The following KDM4B variants were observed in gnomAD, a reference collection of about 807,000 sequenced individuals.
KDM4B encodes lysine demethylase 4B, also known as lysine-specific demethylase 4B.
KDM4B carries 32 observed loss-of-function variants against 125.2 expected under a neutral mutation model. The ratio of observed to expected loss-of-function variants is 0.26; its 90% CI spans 0.19 to 0.34. KDM4B has a LOEUF of 0.34. Among genes scored for constraint, KDM4B ranks in the 10% least tolerant of loss-of-function variants. The pLI is 1.00. For missense variants in KDM4B, 1,190 were observed against 1,577.7 expected (o/e 0.75, Z 4.16); for synonymous variants, 721 against 677.9 (o/e 1.06, Z -0.99).
Position 5,141,668 on chromosome 19 carries a change from G to A in KDM4B, c.2551-2299G>A, listed in dbSNP as rs1311064790. ...TGTCTCCAGGACTTCTCCAGCCACC[G>A]GCTCAGGGCTCCAGGCAGTCCTGGT... is the stretch of plus-strand genomic sequence containing the variant. On this transcript the variant is annotated intron_variant, in intron 18 of 22. Coordinates refer to ENST00000159111, the MANE Select transcript of KDM4B (RefSeq NM_015015.3). The surrounding 1 kb of genome is among the most constrained non-coding windows in gnomAD (Gnocchi z 6.4). 1.3e-5 allele frequency among the ~76,000 whole-genome samples: 2 copies of A among 152,180 alleles called. No individual in the cohort carries two copies. The highest frequency in any genetic ancestry group is 6.5e-5 in the Admixed American group (1 of 15,288).
At chr19:5,070,913 G>C (rs759843992) in intron 6 of KDM4B, 97 bp from the exon 7 acceptor site, 1 of 1,281,284 alleles carries the variant, frequency 7.8e-7, no homozygotes, top group Admixed American at 1.8e-5. Flanking sequence ...TCTGCCCTGG[G>C]CACTGTCTGC....
intron 1 of KDM4B, among the ~76,000 whole-genome samples, chr19:4,972,944 G>GA (rs1480919750): frequency 6.6e-6 from 1 of 152,126 alleles, no homozygotes. Context: ...TCTGGCCTCT[G>GA]AGCTCCGGGT....
At chr19:5,032,824 T>C (rs113013839) in intron 2 of KDM4B, 42 bp from the exon 3 acceptor site, 1 of 1,569,900 alleles carries the variant, frequency 6.4e-7, no homozygotes, top group Non-Finnish European at 8.7e-7. Context: ...GGGCTGGGCA[T>C]GGCGGCACCG....
At chr19:4,987,683 C>T (rs2034886633) in intron 1 of KDM4B, among the ~76,000 whole-genome samples, 2 of 152,128 alleles carry the variant, frequency 1.3e-5, no homozygotes, top group South Asian at 4.1e-4. Context: ...GTCAGGCCTC[C>T]CAAAGTGCTG....
At chr19:5,133,506 C>G (rs919790267) in intron 13 of KDM4B, among the ~76,000 whole-genome samples, 11 of 152,216 alleles carry the variant, frequency 7.2e-5, no homozygotes, top group African/African-American at 2.2e-4. Flanking sequence ...CGGGGCAGGG[C>G]TGGGCACTGA....
intron 3 of KDM4B, among the ~76,000 whole-genome samples, chr19:5,034,424 G>C (rs1306626322): frequency 6.6e-6 from 1 of 152,242 alleles, no homozygotes; most frequent in Non-Finnish European, 1.5e-5. Flanking sequence ...CCGTGTGAAT[G>C]AAAGTGCACG....
At chr19:5,034,526 T>C (rs2036556585) in intron 3 of KDM4B, among the ~76,000 whole-genome samples, 1 of 152,140 alleles carries the variant, frequency 6.6e-6, no homozygotes, top group South Asian at 2.1e-4. Context: ...CCCCAACCAC[T>C]TAAAAATGAA....
At chr19:5,150,196 C>T (rs1408059209) in intron 21 of KDM4B, among the ~76,000 whole-genome samples, 162 bp from the exon 22 acceptor site, 5 of 152,136 alleles carry the variant, frequency 3.3e-5, no homozygotes, top group Non-Finnish European at 5.9e-5. Context: ...TTGCTGCAGG[C>T]GGTGTCAGAG....
At chr19:5,010,103 C>G (rs1164506209) in intron 1 of KDM4B, among the ~76,000 whole-genome samples, 3 of 152,200 alleles carry the variant, frequency 2.0e-5, no homozygotes, top group Non-Finnish European at 4.4e-5. Context: ...GGACCTCGTC[C>G]AGGACCCCAC....
At chr19:5,023,517 G>C (rs577701485) in intron 2 of KDM4B, among the ~76,000 whole-genome samples, 1 of 152,240 alleles carries the variant, frequency 6.6e-6, no homozygotes, top group African/African-American at 2.4e-5. Context: ...CTCTGTCCTC[G>C]GTCCCTGCTG....
chr19:5,068,292 G>T (rs902826854), intron 6 of KDM4B, among the ~76,000 whole-genome samples: 1 of 152,146 alleles, frequency 6.6e-6, no homozygotes, highest in Non-Finnish European at 1.5e-5. Flanking sequence ...GGTCTCTGCC[G>T]TGCATCTGCT....
Position 5,133,967 on chromosome 19 carries a change from C to T in KDM4B, c.1991C>T (p.Ala664Val), listed in dbSNP as rs759969080. Residue 664 changes from alanine (A) to valine (V), a missense_variant, in exon 14 of 23, where the codon GCG becomes GTG. Physicochemically the swap from Ala to Val is moderately conservative, Grantham distance 64 (BLOSUM62 0). Coordinates refer to ENST00000159111, the MANE Select transcript of KDM4B (RefSeq NM_015015.3). ...PLLSLQWKNR[A>V]ASFQAERKFN... ...CTGTCTCTGCAGTGGAAGAACAGGG[C>T]GGCCAGCTTCCAGGCCGAGAGGAAG... 189 of 1,612,646 alleles carry T rather than the reference C, an allele frequency of 1.2e-4. No individual in the cohort carries two copies. The highest frequency in any genetic ancestry group is 1.5e-4 in the Non-Finnish European group (175 of 1,179,930).
chr19:5,023,974 A>G (rs1414672091), intron 2 of KDM4B, among the ~76,000 whole-genome samples: 1 of 151,864 alleles, frequency 6.6e-6, no homozygotes, highest in Admixed American at 6.6e-5. Flanking sequence ...CTCATCCTGA[A>G]CATCTAGCCC....
intron 1 of KDM4B, among the ~76,000 whole-genome samples, chr19:4,999,507 T>C (rs1302140391): frequency 6.6e-6 from 1 of 152,158 alleles, no homozygotes; most frequent in African/African-American, 2.4e-5. Flanking sequence ...GTGCTCCGTG[T>C]GCTCAGTGCT....
intron 9 of KDM4B, among the ~76,000 whole-genome samples, chr19:5,097,217 G>A (rs1315577586): frequency 6.6e-6 from 1 of 152,198 alleles, no homozygotes; most frequent in Non-Finnish European, 1.5e-5. Flanking sequence ...AAAGCCCCAC[G>A]TGGCGCATCA....
intron 9 of KDM4B, among the ~76,000 whole-genome samples, chr19:5,084,720 G>A (rs1438832671): frequency 1.3e-5 from 2 of 150,350 alleles, no homozygotes; most frequent in African/African-American, 4.9e-5. Context: ...AGGCTGAGGC[G>A]GGAGGATCTC....
At chr19:5,039,475 T>A (rs78121901) in intron 3 of KDM4B, among the ~76,000 whole-genome samples, 4,844 of 151,968 alleles carry the variant, frequency 0.032, 105 homozygotes, top group Non-Finnish European at 0.05. Context: ...AACAAATGCC[T>A]CAAAATACGA....
intron 9 of KDM4B, among the ~76,000 whole-genome samples, chr19:5,106,512 A>G (rs954780698): frequency 6.6e-6 from 1 of 152,072 alleles, no homozygotes; most frequent in Non-Finnish European, 1.5e-5. Flanking sequence ...CGTGATGCTG[A>G]CGCACCCTCC....
intron 22 of KDM4B, among the ~76,000 whole-genome samples, chr19:5,150,975 C>G (rs980061981): frequency 4.6e-5 from 7 of 152,192 alleles, no homozygotes; most frequent in Non-Finnish European, 7.3e-5. Flanking sequence ...TCTTTCTAAT[C>G]GAGAGGCGAG....
Sources: allele counts gnomAD v4.1 joint callset (sites outside exome capture counted in the v4.1 genomes callset), GRCh38; gene constraint gnomAD v4.1.1; non-coding constraint Gnocchi (gnomAD v3.1); transcripts MANE v1.5; gene names NCBI Gene and HGNC (gene_info 2026-07-23, HGNC 2026-07-21).